The following CCDC88A variants were observed in gnomAD, a reference collection of about 807,000 sequenced individuals.
The protein encoded by CCDC88A is girdin.
CCDC88A carries 54 observed loss-of-function variants against 234.3 expected under a neutral mutation model. The observed-to-expected ratio is 0.23, with a 90% CI of 0.19 to 0.29. CCDC88A has a LOEUF of 0.29. Among genes scored for constraint, CCDC88A ranks in the 10% least tolerant of loss-of-function variants. CCDC88A has a pLI of 1.00. For missense variants in CCDC88A, 1,832 were observed against 2,123.4 expected (o/e 0.86, Z 2.70); for synonymous variants, 753 against 737.8 (o/e 1.02, Z -0.33).
chr2:55,376,388 G>A (rs534599844), intron 3 of CCDC88A, among the ~76,000 whole-genome samples: 19 of 152,212 alleles, frequency 1.2e-4, no homozygotes, highest in African/African-American at 4.6e-4. Flanking sequence ...ATACTATGAT[G>A]AGAAAGCAAA....
intron 3 of CCDC88A, among the ~76,000 whole-genome samples, chr2:55,384,797 C>G (rs1465643283): frequency 1.3e-5 from 2 of 151,512 alleles, no homozygotes; most frequent in Non-Finnish European, 2.9e-5. Flanking sequence ...GCTGGGATTA[C>G]AGGCACGCAC....
intron 3 of CCDC88A, among the ~76,000 whole-genome samples, chr2:55,382,124 T>G (rs1179625384): frequency 6.6e-6 from 1 of 152,194 alleles, no homozygotes; most frequent in Non-Finnish European, 1.5e-5. Context: ...AAACATTTGT[T>G]TTATAACACA....
intron 11 of CCDC88A, 133 bp downstream of exon 11, chr2:55,344,235 C>G (rs1668837161): frequency 2.0e-6 from 1 of 495,056 alleles, no homozygotes; most frequent in African/African-American, 2.0e-5. Flanking sequence ...TTGGAGGCAT[C>G]TAATTTATTT....
At position 55,295,610 on chromosome 2, in the gene CCDC88A, G is replaced by C; in HGVS notation, c.5538C>G (p.Thr1846=). The C allele has an allele frequency of 1.2e-6, 2 of 1,614,100 alleles. No individual in the cohort carries two copies. The highest frequency in any genetic ancestry group is 1.7e-6 in the Non-Finnish European group (2 of 1,180,000). Residue 1846 remains threonine (T), a synonymous_variant, in exon 31 of 33, where the codon ACC becomes ACG. Transcript: ENST00000436346. ...AATGGTACTCACTAGATGCTGCAGT[G>C]GTGTTGCTGTCAGCAGCAGCTGGTG... ...DSPPAAADSN[T]TAASNVDKVQ... is the part of the protein sequence containing the mutation.
intron 12 of CCDC88A, among the ~76,000 whole-genome samples, chr2:55,341,593 C>T (rs373053264): frequency 2.1e-4 from 32 of 151,418 alleles, no homozygotes; most frequent in Non-Finnish European, 3.2e-4. Flanking sequence ...CACAGGTGTG[C>T]GCCACCATGC....
At chr2:55,349,980 G>C (rs1380603203) in intron 8 of CCDC88A, 1 of 156,994 alleles carries the variant, frequency 6.4e-6, no homozygotes, top group African/African-American at 2.4e-5. Context: ...CCAGGCTGGA[G>C]TGCAATGGCG....
chr2:55,371,873 C>T (rs1672901890), intron 5 of CCDC88A, among the ~76,000 whole-genome samples: 1 of 152,116 alleles, frequency 6.6e-6, no homozygotes, highest in Non-Finnish European at 1.5e-5. Flanking sequence ...ACCCAATCTC[C>T]TGACCTGAAA....
At chr2:55,313,517 A>C (rs1294822666) in intron 22 of CCDC88A, 1 of 152,226 alleles carries the variant, frequency 6.6e-6, no homozygotes. Context: ...TTTTCTACGC[A>C]GTTAGTAGAA....
chr2:55,368,053 T>C (rs779532307), intron 5 of CCDC88A, among the ~76,000 whole-genome samples: 6 of 152,200 alleles, frequency 3.9e-5, no homozygotes, highest in African/African-American at 1.4e-4. Context: ...TTCTTCTGCA[T>C]AGGATGGTTT....
chr2:55,332,397 T>A lies in CCDC88A; in HGVS notation c.2855+169A>T. ...TCAGCCTCCCAAAGTGCTGGGATTA[T>A]AGGTGTGAGCCACCGCACCCGGCTA... On this transcript the variant is annotated intron_variant, in intron 16 of 32. Transcript: ENST00000436346. The surrounding 1 kb of genome is among the most constrained non-coding windows in gnomAD (Gnocchi z 4.5). 1 of 1,214,580 alleles carries A rather than the reference T, an allele frequency of 8.2e-7. No individual in the cohort carries two copies. The highest frequency in any genetic ancestry group is 1.0e-6 in the Non-Finnish European group (1 of 955,666). 75.2% of individuals were successfully genotyped at this position (1,214,580 alleles called of 1,614,324 possible). A position where few individuals can be genotyped will look rare whatever the true frequency, so the allele number is the denominator to read the frequency against.
At chr2:55,406,238 C>A (rs1379683736) in intron 2 of CCDC88A, 1 of 151,686 alleles carries the variant, frequency 6.6e-6, no homozygotes. Flanking sequence ...TAGTCTAATT[C>A]ATTTGCAAAG....
At position 55,296,458 on chromosome 2, in the gene CCDC88A, C is replaced by A; in HGVS notation, c.4891G>T (p.Asp1631Tyr). 6.2e-7 allele frequency: 1 copy of A among 1,614,180 alleles called. No individual in the cohort carries two copies. The highest frequency in any genetic ancestry group is 1.1e-5 in the South Asian group (1 of 91,058). Residue 1631 changes from aspartate (D) to tyrosine (Y), a missense_variant, in exon 30 of 33, where the codon GAC becomes TAC. Asp to Tyr is a radical substitution (Grantham distance 160). Coordinates refer to ENST00000436346, the MANE Select transcript of CCDC88A (RefSeq NM_001365480.1). ...CCACTGCTGGACCAAGCCTCATGGT[C>A]ATGAAGCAGGCTAAATTCTCCACTG... ...HSSGEFSLLH[D>Y]HEAWSSSGSS...
intron 31 of CCDC88A, 163 bp downstream of exon 31, chr2:55,295,432 CAA>C: frequency 6.4e-7 from 1 of 1,551,886 alleles, no homozygotes; most frequent in Non-Finnish European, 8.7e-7. Flanking sequence ...CTAATAGTGG[CAA>C]AAGTTTGGTT....
intron 6 of CCDC88A, among the ~76,000 whole-genome samples, chr2:55,363,207 A>G (rs1671535920): frequency 6.6e-6 from 1 of 152,008 alleles, no homozygotes. Flanking sequence ...GTTACTGATA[A>G]GAAATCTGGG....
rs556964875 is a variant in CCDC88A at position 55,394,664 on chromosome 2, G to T, written c.165-5778C>A. ...CACACACTGGGGACTGTTGTGGGGT[G>T]GGGGGAGGGGGGAGGGATAGCATTA... is the stretch of plus-strand genomic sequence containing the variant. On this transcript the variant is annotated intron_variant, in intron 2 of 32. Coordinates refer to ENST00000436346, the MANE Select transcript of CCDC88A (RefSeq NM_001365480.1). 130 of 108,828 alleles carry T rather than the reference G, an allele frequency of 1.2e-3. 2 individuals are homozygous for T. Among genetic ancestry groups the T allele is most frequent in the African/African-American group, 4.3e-3 (122 of 28,452 alleles). The allele number at this position is 108,828 out of a possible 1,614,324, so 6.7% of individuals were successfully genotyped here.
In CCDC88A at chr2:55,335,136, T is replaced by G. The variant is rs767631531; in HGVS notation, c.1685A>C (p.His562Pro). 6.5e-7 allele frequency: 1 copy of G among 1,549,896 alleles called. No homozygotes were observed. Among genetic ancestry groups the G allele is most frequent in the South Asian group, 1.3e-5 (1 of 78,102 alleles). ...TAAGGAAGACACTGTTTGATTCAGA[T>G]GTTCATTTTCCTGTTCCAGTATCTT... ...QIKILEQENE[H>P]LNQTVSSLRQ... Residue 562 changes from histidine to proline, a missense_variant, in exon 15 of 33, where the codon CAT becomes CCT. Transcript: ENST00000436346. This position sits in a 1 kb window ranked among gnomAD's most constrained non-coding sequence, Gnocchi z 4.5.
intron 2 of CCDC88A, among the ~76,000 whole-genome samples, chr2:55,397,945 G>A (rs1474934814): frequency 6.6e-6 from 1 of 151,876 alleles, no homozygotes; most frequent in Admixed American, 6.6e-5. Flanking sequence ...ATAATTCTGG[G>A]TATAAAAGGA....
At position 55,301,965 on chromosome 2, in the gene CCDC88A, A is replaced by G. The variant is rs1680948122; in HGVS notation, c.4579T>C (p.Leu1527=). The G allele has an allele frequency of 1.2e-6, 2 of 1,614,130 alleles. No individual in the cohort carries two copies. Among genetic ancestry groups the G allele is most frequent in the South Asian group, 1.1e-5 (1 of 91,090 alleles). The change falls in exon 27 of 33, where the codon TTG becomes CTG. Residue 1527 remains leucine, a synonymous_variant. Coordinates refer to ENST00000436346, the MANE Select transcript of CCDC88A (RefSeq NM_001365480.1). ...GTAGTAGAGAAGGCCATAGCTCCCA[A>G]TTCTTTTCTCCTTTTACCCGTTGAA... The part of the protein sequence containing the change: ...DISTGKRRKE[L]GAMAFSTTAI...
At chr2:55,397,934 A>C (rs1473144890) in intron 2 of CCDC88A, among the ~76,000 whole-genome samples, 3 of 152,152 alleles carry the variant, frequency 2.0e-5, no homozygotes, top group Non-Finnish European at 4.4e-5. Flanking sequence ...TAACAATTAA[A>C]ATAATTCTGG....
Sources: gnomAD v4.1 joint callset for allele counts (sites outside exome capture counted in the v4.1 genomes callset) on GRCh38, gnomAD v4.1.1 for gene constraint, Gnocchi (gnomAD v3.1) non-coding constraint, MANE v1.5 for transcripts, NCBI Gene and HGNC (gene_info 2026-07-23, HGNC 2026-07-21) for gene names.